ZNF682: variants seen among roughly 807,000 people sequenced by gnomAD.
ZNF682 encodes the protein zinc finger protein 682.
Under a neutral mutation model 36.5 loss-of-function variants are expected in ZNF682, and 29 were observed. That is an observed-to-expected ratio of 0.80 (90% CI 0.59 to 1.08). ZNF682 has a LOEUF of 1.08. ZNF682 is among the 50% of genes least tolerant of loss of function. The pLI, the probability that ZNF682 is intolerant of heterozygous loss-of-function variation, is 0.00. For missense variants in ZNF682, 561 were observed against 579.7 expected, an observed-to-expected ratio of 0.97 and a Z score of 0.33; for synonymous variants, 180 against 197.0, an observed-to-expected ratio of 0.91 and a Z score of 0.72.
intron 3 of ZNF682, among the ~76,000 whole-genome samples, chr19:20,010,819 G>C (rs1310882194): frequency 6.6e-6 from 1 of 151,768 alleles, no homozygotes; most frequent in Non-Finnish European, 1.5e-5. Flanking sequence ...ACAAAAATTA[G>C]CTGGACGTGG....
chr19:19,995,780 A>G (rs75324066), downstream of ZNF682, among the ~76,000 whole-genome samples: 9,573 of 152,138 alleles, frequency 0.063, 505 homozygotes, highest in East Asian at 0.19. Context: ...AAAAGTGAAA[A>G]ACATTATCCC....
intron 3 of ZNF682, chr19:20,015,967 G>A (rs760607453): frequency 2.6e-6 from 1 of 380,896 alleles, no homozygotes; most frequent in Admixed American, 4.5e-5. Context: ...TAAACGTTGA[G>A]GAATATAGAT....
At chr19:20,023,452 C>T (rs1260543627) in intron 2 of ZNF682, among the ~76,000 whole-genome samples, 1 of 151,632 alleles carries the variant, frequency 6.6e-6, no homozygotes, top group Non-Finnish European at 1.5e-5. Context: ...GCCAAGATTG[C>T]GCCACTGCAC....
Position 20,005,958 on chromosome 19 carries a change from T to C in ZNF682, c.*47A>G. 6.6e-7 allele frequency: 1 copy of C among 1,512,220 alleles called. No individual in the cohort carries two copies. The highest frequency in any genetic ancestry group is 8.9e-7 in the Non-Finnish European group (1 of 1,124,194). The allele number at this position is 1,512,220 out of a possible 1,614,324, so 93.7% of individuals were successfully genotyped here. A position where few individuals can be genotyped will look rare whatever the true frequency, so the allele number is the denominator to read the frequency against. On this transcript the variant is annotated 3_prime_UTR_variant, in exon 4 of 4. Coordinates refer to ENST00000397165, the MANE Select transcript of ZNF682 (RefSeq NM_033196.3). ...AATGCCTTGAGCAAGATTTATGGAA[T>C]TTGCCACATTCTTTACATTTGTAGG...
At chr19:20,003,019 T>C (rs577064964), downstream of ZNF682, among the ~76,000 whole-genome samples, 111 of 150,604 alleles carry the variant, frequency 7.4e-4, no homozygotes, top group African/African-American at 2.6e-3. Flanking sequence ...TGAAACCCCG[T>C]CTCTACTAAA....
In ZNF682 at chr19:20,021,500, A is replaced by AC. The variant is rs1296847929; in HGVS notation, c.226+1503_226+1504insG. Among the ~76,000 whole-genome samples, 160 of 152,020 alleles carry AC rather than the reference A, an allele frequency of 1.1e-3. 1 individual carries two copies. The highest frequency in any genetic ancestry group is 2.0e-3 in the Non-Finnish European group (134 of 67,922). On this transcript the variant is annotated intron_variant, in intron 3 of 3. Coordinates refer to ENST00000397165, the MANE Select transcript of ZNF682 (RefSeq NM_033196.3). ...CTCGTCTCAAAAAGAAAGAAAACAA[A>AC]AAACAACAACAACAAAAAACTCTGT...
rs572732555 is a variant in ZNF682, at chr19:20,038,399, A to G, written c.3+944T>C. 3.9e-5 allele frequency among the ~76,000 whole-genome samples: 6 copies of G among 152,324 alleles called. No individual in the cohort carries two copies. The East Asian group carries it at 1.2e-3, about 29-fold the overall frequency. ...CTAATAGTTGATAATGTTGTGAATTAGAGAGGGGAAGTTGGTGTTGAAGAA... is the reference window on the plus strand; with the variant it reads ...CTAATAGTTGATAATGTTGTGAATTGGAGAGGGGAAGTTGGTGTTGAAGAA... On this transcript the variant is annotated intron_variant, in intron 1 of 3. Transcript: ENST00000397165.
intron 3 of ZNF682, among the ~76,000 whole-genome samples, chr19:20,010,323 A>G (rs537537235): frequency 2.0e-5 from 3 of 152,220 alleles, no homozygotes; most frequent in African/African-American, 7.2e-5. Context: ...TAAGATATCA[A>G]TATTAACCTT....
intron 1 of ZNF682, among the ~76,000 whole-genome samples, chr19:20,038,971 A>G (rs1444979793): frequency 6.6e-6 from 1 of 152,202 alleles, no homozygotes; most frequent in Admixed American, 6.5e-5. Context: ...AGGAGAAGGA[A>G]AAGACTGAGG....
intron 1 of ZNF682, among the ~76,000 whole-genome samples, chr19:20,033,064 G>C (rs530713473): frequency 6.6e-6 from 1 of 152,130 alleles, no homozygotes; most frequent in Non-Finnish European, 1.5e-5. Flanking sequence ...TCAGGAGTTC[G>C]AGACAAGCCT....
chr19:20,019,079 AC>A (rs1308191493), intron 3 of ZNF682, among the ~76,000 whole-genome samples: 1 of 152,220 alleles, frequency 6.6e-6, no homozygotes, highest in Non-Finnish European at 1.5e-5. Context: ...TAAGAAACAG[AC>A]AAATAATTGA....
intron 3 of ZNF682, among the ~76,000 whole-genome samples, chr19:20,020,411 C>T (rs1278953596): frequency 1.3e-5 from 2 of 152,076 alleles, no homozygotes; most frequent in Non-Finnish European, 1.5e-5. Flanking sequence ...GCAGCAGAAT[C>T]GTTTGAACCC....
downstream of ZNF682, among the ~76,000 whole-genome samples, chr19:19,996,822 A>G (rs2088131083): frequency 6.6e-6 from 1 of 152,068 alleles, no homozygotes; most frequent in Non-Finnish European, 1.5e-5. Flanking sequence ...ACCTATTGAA[A>G]TTAAAAAAAA....
downstream of ZNF682, among the ~76,000 whole-genome samples, chr19:19,996,403 T>C (rs767482111): frequency 3.3e-5 from 5 of 152,218 alleles, no homozygotes; most frequent in Non-Finnish European, 7.3e-5. Context: ...AGCAGCACTA[T>C]TTGCAATTGC....
chr19:20,015,609 A>C (rs1451191562), intron 3 of ZNF682: 1 of 182,764 alleles, frequency 5.5e-6, no homozygotes, highest in Non-Finnish European at 1.0e-5. Context: ...CTGATGAAGA[A>C]TTCTTCTAGA....
At chr19:20,039,110 C>T (rs1174146267) in intron 1 of ZNF682, 2 of 1,387,476 alleles carry the variant, frequency 1.4e-6, no homozygotes, top group East Asian at 2.6e-5. Flanking sequence ...CCAGGGTGGG[C>T]TCCGGGCGGG....
At chr19:20,018,569 C>A (rs2088358081) in intron 3 of ZNF682, among the ~76,000 whole-genome samples, 2 of 152,110 alleles carry the variant, frequency 1.3e-5, no homozygotes, top group Non-Finnish European at 2.9e-5. Context: ...CAGAATTAAG[C>A]ACGTGTGTAC....
intron 1 of ZNF682, among the ~76,000 whole-genome samples, chr19:20,025,673 T>C (rs1283613767): frequency 1.4e-5 from 2 of 141,236 alleles, no homozygotes; most frequent in Non-Finnish European, 3.0e-5. Flanking sequence ...CGAGACTCCA[T>C]CTCAAAAAAA....
At chr19:20,015,837 T>A (rs2088329915) in intron 3 of ZNF682, 1 of 398,066 alleles carries the variant, frequency 2.5e-6, no homozygotes, top group East Asian at 3.6e-5. Context: ...AAGGCTGTAA[T>A]CTAGCCTGCA....
Sources: allele counts gnomAD v4.1 joint callset (sites outside exome capture counted in the v4.1 genomes callset), GRCh38; gene constraint gnomAD v4.1.1; transcripts MANE v1.5; gene names NCBI Gene and HGNC (gene_info 2026-07-23, HGNC 2026-07-21).